TANC2: variants seen among roughly 807,000 people sequenced by gnomAD.
TANC2 encodes tetratricopeptide repeat, ankyrin repeat and coiled-coil containing 2, also known as protein TANC2.
TANC2 carries 26 observed loss-of-function variants against 210.5 expected under a neutral mutation model. The observed-to-expected ratio is 0.12, with a 90% CI of 0.09 to 0.17. TANC2 has a LOEUF of 0.17. TANC2 is among the 10% of genes least tolerant of loss of function. The probability of loss-of-function intolerance (pLI) is 1.00; values close to 1 mark genes in which losing one functional copy is unlikely to be tolerated. For synonymous variants in TANC2, 931 were observed against 967.1 expected, an observed-to-expected ratio of 0.96 and a Z score of 0.69; for missense variants, 2,129 against 2,608.9, an observed-to-expected ratio of 0.82 and a Z score of 4.01.
At chr17:63,097,486 G>T (rs2144874437) in intron 3 of TANC2, among the ~76,000 whole-genome samples, 1 of 151,664 alleles carries the variant, frequency 6.6e-6, no homozygotes, top group South Asian at 2.1e-4. Context: ...CAATCTTTTG[G>T]CTTCCCTGGG....
In TANC2 at chr17:63,410,337, T is replaced by TCC. The variant is rs377066407; in HGVS notation, c.3590-1164_3590-1163dup. Reference sequence around the variant, plus strand: ...GTGTCTTTGACCAACATCTCTCCAATCCCCCCCCCCCATCTCCTAGTTTCT... The same window carrying TCC: ...GTGTCTTTGACCAACATCTCTCCAATCCCCCCCCCCCCCATCTCCTAGTTTCT... On this transcript the variant is annotated intron_variant, in intron 21 of 27. Coordinates refer to ENST00000689528, the Ensembl canonical transcript of TANC2. Among the ~76,000 whole-genome samples the TCC allele has an allele frequency of 2.5e-3, 297 of 118,402 alleles. 4 individuals carry two copies. Among genetic ancestry groups the TCC allele is most frequent in the African/African-American group, 5.0e-3 (158 of 31,372 alleles). The allele number at this position is 118,402 out of a possible 152,430, so 77.7% of individuals were successfully genotyped here. A position where few individuals can be genotyped will look rare whatever the true frequency, so the allele number is the denominator to read the frequency against.
At chr17:63,185,447 T>C (rs1237486893) in intron 5 of TANC2, among the ~76,000 whole-genome samples, 6 of 152,250 alleles carry the variant, frequency 3.9e-5, no homozygotes, top group Non-Finnish European at 5.9e-5. Flanking sequence ...ACATTTGTTA[T>C]GTGTCTTTTG....
At chr17:63,423,702 A>G (rs1043380651) in exon 28 of TANC2, 5 of 152,232 alleles carry the variant, frequency 3.3e-5, no homozygotes, top group African/African-American at 9.6e-5. Context: ...ACTAATTTAG[A>G]TTCTGCGAAA....
intron 8 of TANC2, among the ~76,000 whole-genome samples, chr17:63,262,400 G>C (rs2043390048): frequency 6.6e-6 from 1 of 152,146 alleles, no homozygotes; most frequent in African/African-American, 2.4e-5. Flanking sequence ...TGATGCCCCG[G>C]CTGGTCTTAA....
intron 26 of TANC2, among the ~76,000 whole-genome samples, chr17:63,415,920 A>C (rs1440206522): frequency 1.3e-5 from 2 of 152,206 alleles, no homozygotes; most frequent in Non-Finnish European, 2.9e-5. Context: ...TTTAACTGAA[A>C]GTGATGAGAA....
chr17:63,193,843 A>T, intron 5 of TANC2, 148 bp from the exon 6 acceptor site: 2 of 757,546 alleles, frequency 2.6e-6, no homozygotes, highest in Non-Finnish European at 3.8e-6. Flanking sequence ...ATTGGGAGTG[A>T]GTAGTCCAAG....
chr17:63,415,507 G>A (rs770678843), intron 25 of TANC2, 21 bp from the exon 26 acceptor site: 39 of 1,611,330 alleles, frequency 2.4e-5, no homozygotes, highest in Admixed American at 1.3e-4. Flanking sequence ...TGTGTGTTTC[G>A]CCATCTTGTG....
intron 14 of TANC2, among the ~76,000 whole-genome samples, chr17:63,362,787 G>T (rs1382085213): frequency 6.6e-6 from 1 of 152,340 alleles, no homozygotes; most frequent in East Asian, 1.9e-4. Context: ...GCCTGTGGGG[G>T]TATGGGGATC....
intron 11 of TANC2, among the ~76,000 whole-genome samples, chr17:63,330,597 T>G (rs2045805640): frequency 6.6e-6 from 1 of 152,230 alleles, no homozygotes; most frequent in South Asian, 2.1e-4. Context: ...TCTAATGCAT[T>G]CATTAAAAGT....
chr17:63,342,221 A>G (rs2429433), intron 12 of TANC2, among the ~76,000 whole-genome samples: 9,635 of 151,802 alleles, frequency 0.063, 508 homozygotes, highest in African/African-American at 0.14. Flanking sequence ...CAAGAATTTA[A>G]AATTATTATT....
At chr17:63,211,917 A>G (rs1160514911) in intron 7 of TANC2, among the ~76,000 whole-genome samples, 2 of 152,146 alleles carry the variant, frequency 1.3e-5, no homozygotes, top group Admixed American at 6.5e-5. Context: ...TCTAGGGTAC[A>G]TGTGCACAAC....
At chr17:63,266,287 T>G (rs2043522680) in intron 8 of TANC2, among the ~76,000 whole-genome samples, 4 of 152,186 alleles carry the variant, frequency 2.6e-5, no homozygotes, top group Admixed American at 2.6e-4. Context: ...AAATGTTTCC[T>G]TGCTCATCTT....
intron 1 of TANC2, among the ~76,000 whole-genome samples, chr17:62,997,014 C>G (rs955171321): frequency 1.3e-5 from 1 of 77,040 alleles, no homozygotes; most frequent in Non-Finnish European, 2.6e-5. Context: ...GGGGTTTCAC[C>G]GTGTTGGCCA....
Position 63,098,484 on chromosome 17 carries a change from A to ACT in TANC2, c.140-666_140-665dup, listed in dbSNP as rs1175349288. ...CACACACACACACACACACACATAC[A>ACT]CTCTCTCTCTCTCTCTCTCTCTCTC... On this transcript the variant is annotated intron_variant, in intron 3 of 27. Transcript: ENST00000689528. Among the ~76,000 whole-genome samples, 392 of 72,270 alleles carry ACT rather than the reference A, an allele frequency of 5.4e-3. 7 individuals carry two copies. The highest frequency in any genetic ancestry group is 0.01 in the South Asian group (24 of 2,362). The allele number at this position is 72,270 out of a possible 152,430, so 47.4% of individuals were successfully genotyped here. A position where few individuals can be genotyped will look rare whatever the true frequency, so the allele number is the denominator to read the frequency against.
At chr17:63,203,979 C>T (rs993624281) in intron 7 of TANC2, among the ~76,000 whole-genome samples, 1 of 152,090 alleles carries the variant, frequency 6.6e-6, no homozygotes, top group Non-Finnish European at 1.5e-5. Context: ...CATTTGGCTT[C>T]CTTCTGTAGA....
intron 9 of TANC2, among the ~76,000 whole-genome samples, chr17:63,310,432 A>G (rs1276581538): frequency 1.3e-5 from 2 of 152,194 alleles, no homozygotes; most frequent in Non-Finnish European, 2.9e-5. Flanking sequence ...GGGGCGACAA[A>G]GCAGGATTCC....
intron 4 of TANC2, among the ~76,000 whole-genome samples, chr17:63,099,588 G>A (rs370944377): frequency 6.6e-6 from 1 of 151,924 alleles, no homozygotes; most frequent in Non-Finnish European, 1.5e-5. Flanking sequence ...CCCATCTGTT[G>A]TGAACATATT....
Position 63,074,013 on chromosome 17 carries a change from AG to A in TANC2, c.139+1del. 1 of 1,571,174 alleles carries A rather than the reference AG, an allele frequency of 6.4e-7. No individual in the cohort carries two copies. The highest frequency in any genetic ancestry group is 1.9e-5 in the Admixed American group (1 of 53,884). ...ACTCTCGCCAAAGCCGCTCTGGGCA[AG>A]GTAAATTTTCATCAGATTGATTATT... On this transcript the variant is annotated frameshift_variant and splice_region_variant, in exon 3 of 28. Transcript: ENST00000689528. LOFTEE classifies it high-confidence loss of function.
At chr17:63,325,951 T>A (rs576827271) in intron 11 of TANC2, among the ~76,000 whole-genome samples, 54 of 152,358 alleles carry the variant, frequency 3.5e-4, no homozygotes, top group African/African-American at 1.2e-3. Context: ...AATTAGCCGC[T>A]TTTCTTTAAA....
Sources: allele counts gnomAD v4.1 joint callset (sites outside exome capture counted in the v4.1 genomes callset), GRCh38; gene constraint gnomAD v4.1.1; transcripts MANE v1.5; gene names NCBI Gene and HGNC (gene_info 2026-07-23, HGNC 2026-07-21).